The following MMP26 variants were observed in gnomAD, a reference collection of about 807,000 sequenced individuals.
MMP26 encodes the protein matrix metallopeptidase 26, also known as matrix metalloproteinase-26.
A neutral mutation model predicts 31.0 loss-of-function variants in MMP26; 33 were observed. That is an observed-to-expected ratio of 1.06 (90% CI 0.81 to 1.42). The LOEUF is 1.42. Among genes scored for constraint, MMP26 ranks in the 40% most tolerant of loss-of-function variants. The pLI is 0.00. For synonymous variants in MMP26, 122 were observed against 114.9 expected, an observed-to-expected ratio of 1.06 and a Z score of -0.40; for missense variants, 347 against 316.1, an observed-to-expected ratio of 1.10 and a Z score of -0.74.
chr11:4,854,422 G>A (rs951294345), intron 2 of MMP26, among the ~76,000 whole-genome samples: 7 of 152,168 alleles, frequency 4.6e-5, no homozygotes, highest in Non-Finnish European at 7.4e-5. Context: ...TGTATCCCAC[G>A]CCTGGCTCGG....
In MMP26 at chr11:4,992,110, A is replaced by G. The variant is rs376008594; in HGVS notation, c.742A>G (p.Ile248Val). The change falls in exon 7 of 8, where the codon ATC becomes GTC. Residue 248 changes from isoleucine to valine, a missense_variant. By Grantham distance (29) the Ile-to-Val change is conservative (BLOSUM62 3). Coordinates refer to ENST00000380390, the MANE Select transcript of MMP26 (RefSeq NM_021801.5). ...FQLSADDIQR[I>V]QHLYGEKCSS... ...GCTCAGTGCCGATGATATCCAAAGG[A>G]TCCAGCATTTGTATGGTCTGTGCTG... 30 of 1,613,196 alleles carry G rather than the reference A, an allele frequency of 1.9e-5. No individual in the cohort carries two copies. Among genetic ancestry groups the G allele is most frequent in the Non-Finnish European group, 2.2e-5 (26 of 1,179,786 alleles).
At chr11:4,780,699 A>G (rs1848846673) in intron 2 of MMP26, among the ~76,000 whole-genome samples, 1 of 152,170 alleles carries the variant, frequency 6.6e-6, no homozygotes, top group African/African-American at 2.4e-5. Context: ...TGAGCCAGAA[A>G]CTTCACCTAG....
rs571355235 is a variant in MMP26, at chr11:4,963,924, A to G, written c.-144-24144A>G. Among the ~76,000 whole-genome samples the G allele has an allele frequency of 2.0e-3, 306 of 152,092 alleles. 1 individual carries two copies. Among genetic ancestry groups the G allele is most frequent in the African/African-American group, 6.2e-3 (258 of 41,504 alleles). ...GCTTGTATGTCTTCTTTTGAGAAGTATCTATTCATGTCCTTTGACCACTTT... is the reference window on the plus strand; with the variant it reads ...GCTTGTATGTCTTCTTTTGAGAAGTGTCTATTCATGTCCTTTGACCACTTT... On this transcript the variant is annotated intron_variant, in intron 2 of 7. Coordinates refer to ENST00000380390, the MANE Select transcript of MMP26 (RefSeq NM_021801.5).
At chr11:4,942,412 G>C (rs1221763275) in intron 2 of MMP26, among the ~76,000 whole-genome samples, 2 of 151,992 alleles carry the variant, frequency 1.3e-5, no homozygotes, top group East Asian at 3.9e-4. Flanking sequence ...AATTACAGGA[G>C]AGTGGTAATG....
intron 2 of MMP26, among the ~76,000 whole-genome samples, chr11:4,966,040 G>A (rs939179757): frequency 2.0e-5 from 3 of 152,106 alleles, no homozygotes; most frequent in African/African-American, 7.2e-5. Context: ...TTACATTTTT[G>A]TATGGGAGAG....
intron 2 of MMP26, chr11:4,914,683 C>T (rs1022792059): frequency 1.7e-5 from 24 of 1,441,122 alleles, no homozygotes; most frequent in Admixed American, 5.5e-5. Context: ...AACAAGGGCA[C>T]GTTTCAGGAG....
intron 2 of MMP26, among the ~76,000 whole-genome samples, chr11:4,884,147 G>A (rs1214946881): frequency 2.6e-5 from 4 of 152,068 alleles, no homozygotes; most frequent in African/African-American, 4.8e-5. Context: ...AATTGCATGA[G>A]TTTCCTTTCA....
chr11:4,912,646 A>G (rs1013472512), intron 2 of MMP26: 18 of 150,610 alleles, frequency 1.2e-4, no homozygotes, highest in African/African-American at 3.7e-4. Flanking sequence ...TAAGAAATTC[A>G]TAATGAAAGA....
At chr11:4,792,824 G>A (rs929572968) in intron 2 of MMP26, among the ~76,000 whole-genome samples, 1 of 152,046 alleles carries the variant, frequency 6.6e-6, no homozygotes, top group Non-Finnish European at 1.5e-5. Flanking sequence ...GAAGGAGCGG[G>A]GATTATATGT....
intron 1 of MMP26, among the ~76,000 whole-genome samples, chr11:4,725,693 A>G (rs1217448057): frequency 6.6e-6 from 1 of 152,246 alleles, no homozygotes; most frequent in Non-Finnish European, 1.5e-5. Flanking sequence ...GTGTTTGAGC[A>G]GAGATATAAT....
chr11:4,899,010 G>A (rs1850762872), intron 2 of MMP26, among the ~76,000 whole-genome samples: 1 of 152,074 alleles, frequency 6.6e-6, no homozygotes, highest in Admixed American at 6.6e-5. Flanking sequence ...CAACCCTTCA[G>A]GATTATCCTA....
chr11:4,911,131 C>A (rs1850985225), intron 2 of MMP26, among the ~76,000 whole-genome samples: 1 of 152,148 alleles, frequency 6.6e-6, no homozygotes, highest in Non-Finnish European at 1.5e-5. Flanking sequence ...CATTTTGAGA[C>A]ACCCTCCTTC....
At chr11:4,963,976 A>T (rs1368239804) in intron 2 of MMP26, among the ~76,000 whole-genome samples, 1 of 151,726 alleles carries the variant, frequency 6.6e-6, no homozygotes, top group Admixed American at 6.6e-5. Flanking sequence ...TTTTCTTGTA[A>T]ATTTGTTTAA....
At chr11:4,734,830 C>A (rs1676658563) in intron 1 of MMP26, among the ~76,000 whole-genome samples, 1 of 152,226 alleles carries the variant, frequency 6.6e-6, no homozygotes. Context: ...GGCAGAATAG[C>A]ATCGCATAGC....
At chr11:4,793,371 T>C (rs1849058684) in intron 2 of MMP26, among the ~76,000 whole-genome samples, 1 of 152,122 alleles carries the variant, frequency 6.6e-6, no homozygotes, top group South Asian at 2.1e-4. Flanking sequence ...CTTTTACAAA[T>C]TGATAAAAAA....
chr11:4,940,662 C>A lies in MMP26; in HGVS notation c.-144-47406C>A, dbSNP rs1267030621. Among the ~76,000 whole-genome samples the A allele has an allele frequency of 2.0e-5, 3 of 152,248 alleles. No individual in the cohort carries two copies. In the East Asian group the frequency reaches 5.8e-4, roughly 29 times the overall value. ...GGCTGTTTGAAAGAATAACACAATA[C>A]TTGATGGAAAAGCTTCTAAACGTTG... On this transcript the variant is annotated intron_variant, in intron 2 of 7. Transcript: ENST00000380390.
chr11:4,897,980 A>G (rs1850737687), intron 2 of MMP26, among the ~76,000 whole-genome samples: 1 of 148,842 alleles, frequency 6.7e-6, no homozygotes, highest in Non-Finnish European at 1.5e-5. Flanking sequence ...TAAATTTAAA[A>G]AGTTTCTATT....
chr11:4,815,401 A>G (rs1387876401), intron 2 of MMP26, among the ~76,000 whole-genome samples: 1 of 152,208 alleles, frequency 6.6e-6, no homozygotes, highest in Non-Finnish European at 1.5e-5. Flanking sequence ...GGGCAAATTG[A>G]GAGGCAGGTA....
chr11:4,962,455 C>G (rs1846533319), intron 2 of MMP26, among the ~76,000 whole-genome samples: 1 of 152,044 alleles, frequency 6.6e-6, no homozygotes, highest in Non-Finnish European at 1.5e-5. Flanking sequence ...TGATTAGAAG[C>G]GTGCTGGGTT....
Sources: gnomAD v4.1 joint callset for allele counts (sites outside exome capture counted in the v4.1 genomes callset) on GRCh38, gnomAD v4.1.1 for gene constraint, MANE v1.5 for transcripts, NCBI Gene and HGNC (gene_info 2026-07-23, HGNC 2026-07-21) for gene names.